Variants in HTR7 observed in about 807,000 individuals in gnomAD.
The protein encoded by HTR7 is 5-HT-7.
Under a neutral mutation model 34.0 loss-of-function variants are expected in HTR7, and 16 were observed. The observed-to-expected ratio is 0.47, with a 90% confidence interval of 0.32 to 0.71. The LOEUF is 0.71. Ranked by LOEUF, HTR7 falls within the 30% of genes least tolerant of loss-of-function variation. The pLI is 0.04. For missense variants in HTR7, 504 were observed against 625.5 expected (o/e 0.81, Z 2.07); for synonymous variants, 265 against 260.2 (o/e 1.02, Z -0.18).
intron 1 of HTR7, among the ~76,000 whole-genome samples, chr10:90,803,314 C>T (rs747128383): frequency 6.6e-6 from 1 of 151,992 alleles, no homozygotes; most frequent in African/African-American, 2.4e-5. Flanking sequence ...GTCCCTTCTC[C>T]CCTGATCTTT....
chr10:90,769,921 AGCCGCT>A (rs1845080320), intron 1 of HTR7, among the ~76,000 whole-genome samples: 1 of 152,268 alleles, frequency 6.6e-6, no homozygotes, highest in Non-Finnish European at 1.5e-5. Context: ...AGTCCAGAGC[AGCCGCT>A]GCCATCACGC....
At chr10:90,770,898 G>A (rs775041068) in intron 1 of HTR7, among the ~76,000 whole-genome samples, 3 of 152,210 alleles carry the variant, frequency 2.0e-5, no homozygotes, top group South Asian at 2.1e-4. Flanking sequence ...AGTCCCACAC[G>A]GACTGAGATG....
intron 1 of HTR7, among the ~76,000 whole-genome samples, chr10:90,804,015 G>T (rs893295418): frequency 2.0e-5 from 3 of 152,166 alleles, no homozygotes; most frequent in Non-Finnish European, 4.4e-5. Flanking sequence ...ACTGGCAGAG[G>T]AGCAGAGCAG....
intron 1 of HTR7, among the ~76,000 whole-genome samples, chr10:90,774,579 C>T (rs1432073586): frequency 3.9e-5 from 6 of 152,106 alleles, no homozygotes; most frequent in Non-Finnish European, 7.3e-5. Context: ...TCAGAAAACT[C>T]AACTCAAAAT....
At chr10:90,796,575 G>A (rs181403396) in intron 1 of HTR7, among the ~76,000 whole-genome samples, 20 of 152,242 alleles carry the variant, frequency 1.3e-4, no homozygotes, top group African/African-American at 3.4e-4. Context: ...GCCAGGTGTC[G>A]TGACAAGTGC....
chr10:90,836,537 G>A (rs1186348455), intron 1 of HTR7, among the ~76,000 whole-genome samples: 2 of 151,288 alleles, frequency 1.3e-5, no homozygotes, highest in Non-Finnish European at 3.0e-5. Context: ...TTTGAGACAG[G>A]GTCTTGCTCT....
At chr10:90,817,745 C>A (rs1845918517) in intron 1 of HTR7, among the ~76,000 whole-genome samples, 2 of 152,162 alleles carry the variant, frequency 1.3e-5, no homozygotes, top group South Asian at 4.1e-4. Context: ...TTTCGGTTGT[C>A]AGTCCACAGA....
rs138424549 is a variant in HTR7 at position 90,818,960 on chromosome 10, T to C, written c.539+38173A>G. On this transcript the variant is annotated intron_variant, in intron 1 of 3. Transcript: ENST00000336152. ...CTCCTGCTCCAGCCGTGTTAAGACA[T>C]GCCTACTTCACCTTCTACCATGATT... Among the ~76,000 whole-genome samples the C allele has an allele frequency of 2.0e-3, 299 of 152,264 alleles. 1 individual carries two copies. Among genetic ancestry groups the C allele is most frequent in the East Asian group, 0.014 (70 of 5,180 alleles).
At chr10:90,854,131 C>T (rs539939668) in intron 1 of HTR7, among the ~76,000 whole-genome samples, 2 of 152,280 alleles carry the variant, frequency 1.3e-5, no homozygotes, top group South Asian at 2.1e-4. Context: ...TTTGGGAGGC[C>T]GAGGTGGGCG....
intron 1 of HTR7, among the ~76,000 whole-genome samples, chr10:90,849,934 G>A (rs1480084614): frequency 6.6e-6 from 1 of 152,246 alleles, no homozygotes. Context: ...GCACAGGGAG[G>A]CAAGCCAATA....
intron 1 of HTR7, among the ~76,000 whole-genome samples, chr10:90,767,135 C>T (rs184531797): frequency 8.5e-5 from 13 of 152,270 alleles, no homozygotes; most frequent in Admixed American, 5.2e-4. Context: ...GATGAGGTCA[C>T]GGGCTTTGTT....
At chr10:90,780,026 G>A (rs1023888925) in intron 1 of HTR7, among the ~76,000 whole-genome samples, 2 of 152,126 alleles carry the variant, frequency 1.3e-5, no homozygotes, top group Non-Finnish European at 2.9e-5. Flanking sequence ...GTCACATCAT[G>A]TTATTGTCTA....
At chr10:90,841,585 A>C (rs2120091223) in intron 1 of HTR7, among the ~76,000 whole-genome samples, 1 of 152,224 alleles carries the variant, frequency 6.6e-6, no homozygotes, top group African/African-American at 2.4e-5. Context: ...TGAGACTATA[A>C]ATTTATATTC....
In HTR7 at chr10:90,809,981, G is replaced by A. The variant is rs545222124; in HGVS notation, c.539+47152C>T. Among the ~76,000 whole-genome samples, 339 of 152,202 alleles carry A rather than the reference G, an allele frequency of 2.2e-3. 1 individual carries two copies. Among genetic ancestry groups the A allele is most frequent in the Middle Eastern group, 0.01 (3 of 294 alleles). On this transcript the variant is annotated intron_variant, in intron 1 of 3. Coordinates refer to ENST00000336152, the MANE Select transcript of HTR7 (RefSeq NM_019859.4). ...AACCTTCACAGTGGAAGGTAAGTCC[G>A]TCCCCTTCTTAATGAATACGGAGGC...
intron 1 of HTR7, among the ~76,000 whole-genome samples, chr10:90,780,398 G>A (rs896222046): frequency 9.2e-5 from 14 of 151,964 alleles, no homozygotes; most frequent in Admixed American, 5.2e-4. Flanking sequence ...TTATCTGGGC[G>A]TGGTGGCGGG....
At position 90,810,946 on chromosome 10, in the gene HTR7, T is replaced by C. The variant is rs1045472309; in HGVS notation, c.539+46187A>G. On this transcript the variant is annotated intron_variant, in intron 1 of 3. Transcript: ENST00000336152. ...CCCAACACCTTCTACATCCTAGGCA[T>C]GGTTAGATACTTTCGACTTTAGATA... is the stretch of plus-strand genomic sequence containing the variant. Among the ~76,000 whole-genome samples, 9 of 152,260 alleles carry C rather than the reference T, an allele frequency of 5.9e-5. No individual in the cohort carries two copies. The South Asian group carries it at 1.9e-3, about 32-fold the overall frequency.
intron 1 of HTR7, among the ~76,000 whole-genome samples, chr10:90,754,860 G>A (rs929943813): frequency 1.3e-5 from 2 of 152,090 alleles, no homozygotes; most frequent in Admixed American, 1.3e-4. Flanking sequence ...TTTTTAGAGC[G>A]TTCAGCTTAA....
At chr10:90,777,576 T>A (rs1351751933) in intron 1 of HTR7, among the ~76,000 whole-genome samples, 5 of 151,752 alleles carry the variant, frequency 3.3e-5, no homozygotes, top group Non-Finnish European at 7.4e-5. Flanking sequence ...AGGCAAAAGA[T>A]AATGCCAACC....
chr10:90,839,393 T>C (rs1846295122), intron 1 of HTR7, among the ~76,000 whole-genome samples: 4 of 152,104 alleles, frequency 2.6e-5, no homozygotes, highest in South Asian at 2.1e-4. Flanking sequence ...TGTTTGACCA[T>C]AAATATTGAT....
Sources: gnomAD v4.1 joint callset for allele counts (sites outside exome capture counted in the v4.1 genomes callset) on GRCh38, gnomAD v4.1.1 for gene constraint, MANE v1.5 for transcripts, NCBI Gene and HGNC (gene_info 2026-07-23, HGNC 2026-07-21) for gene names.